The following TMEM131 variants were observed in gnomAD, a reference collection of about 807,000 sequenced individuals.
TMEM131 encodes 2610524E03Rik.
In TMEM131, 66 loss-of-function variants were observed where a neutral mutation model predicts 211.6. The ratio of observed to expected loss-of-function variants is 0.31; its 90% CI spans 0.26 to 0.38. The LOEUF (loss-of-function observed/expected upper bound fraction) is 0.38. TMEM131 is among the 10% of genes least tolerant of loss of function. The probability of loss-of-function intolerance (pLI) is 1.00; values close to 1 mark genes in which losing one functional copy is unlikely to be tolerated. For missense variants in TMEM131, 2,036 were observed against 2,299.3 expected (o/e 0.89, Z 2.34); for synonymous variants, 844 against 841.3 (o/e 1.00, Z -0.06).
intron 11 of TMEM131, among the ~76,000 whole-genome samples, chr2:97,832,004 CAAAAAA>C (rs770432398): frequency 1.9e-3 from 112 of 60,274 alleles, no homozygotes; most frequent in African/African-American, 7.3e-3. Context: ...AAGTCACTTC[CAAAAAA>C]AAAAAAAAAA....
intron 36 of TMEM131, 137 bp downstream of exon 36, chr2:97,761,898 G>T: frequency 9.9e-7 from 1 of 1,007,412 alleles, no homozygotes; most frequent in Non-Finnish European, 1.4e-6. Context: ...AGGTAAAAGG[G>T]TCCACACAAG....
intron 2 of TMEM131, among the ~76,000 whole-genome samples, chr2:97,916,862 C>A (rs1373582787): frequency 6.6e-6 from 1 of 152,154 alleles, no homozygotes; most frequent in Non-Finnish European, 1.5e-5. Context: ...TGAATACCAT[C>A]TCATGTATTT....
At chr2:97,904,368 G>C (rs557511853) in intron 3 of TMEM131, among the ~76,000 whole-genome samples, 168 of 152,154 alleles carry the variant, frequency 1.1e-3, no homozygotes, top group Non-Finnish European at 2.0e-3. Flanking sequence ...GTAGCTATGG[G>C]GAGGGAAGGA....
At chr2:97,817,685 C>T (rs779352171) in intron 12 of TMEM131, among the ~76,000 whole-genome samples, 7 of 152,218 alleles carry the variant, frequency 4.6e-5, no homozygotes, top group Non-Finnish European at 7.3e-5. Flanking sequence ...AGCCCCACCT[C>T]CGTAGCTGCT....
intron 5 of TMEM131, among the ~76,000 whole-genome samples, chr2:97,850,266 A>G (rs556714031): frequency 6.6e-6 from 1 of 152,328 alleles, no homozygotes; most frequent in African/African-American, 2.4e-5. Context: ...ACAAGGAGTG[A>G]GGATGACAAG....
chr2:97,887,789 T>C (rs1675222163), intron 4 of TMEM131: 1 of 353,360 alleles, frequency 2.8e-6, no homozygotes, highest in Non-Finnish European at 5.1e-6. Flanking sequence ...CTATAAGTTC[T>C]TTGCTGTTTC....
intron 2 of TMEM131, among the ~76,000 whole-genome samples, chr2:97,923,232 A>T (rs1291999858): frequency 6.6e-6 from 1 of 152,210 alleles, no homozygotes; most frequent in Non-Finnish European, 1.5e-5. Flanking sequence ...ATGAGCTGAG[A>T]TTGCTCACTG....
intron 1 of TMEM131, among the ~76,000 whole-genome samples, chr2:97,932,410 T>A (rs993537051): frequency 1.3e-5 from 2 of 152,176 alleles, no homozygotes; most frequent in African/African-American, 4.8e-5. Flanking sequence ...ACAAGGGAAC[T>A]CATATAAACC....
rs1353341733 is a variant in TMEM131 at position 97,756,844 on chromosome 2, G to A, written c.*255C>T. The A allele has an allele frequency of 2.0e-5, 7 of 357,174 alleles. No homozygotes were observed. The highest frequency in any genetic ancestry group is 3.0e-5 in the Non-Finnish European group (6 of 199,586). The allele number at this position is 357,174 out of a possible 1,614,324, so 22.1% of individuals were successfully genotyped here. On this transcript the variant is annotated 3_prime_UTR_variant, in exon 41 of 41. Coordinates refer to ENST00000186436, the MANE Select transcript of TMEM131 (RefSeq NM_015348.2). ...GCAGTAACGGGAAAGGTTCTCAGATGTACAGGTCTTATTAGAGTTTGTGGC... is the reference window on the plus strand; with the variant it reads ...GCAGTAACGGGAAAGGTTCTCAGATATACAGGTCTTATTAGAGTTTGTGGC...
In TMEM131 at chr2:97,991,141, A is replaced by G. The variant is rs1001130797; in HGVS notation, c.187+4335T>C. Among the ~76,000 whole-genome samples the G allele has an allele frequency of 2.0e-5, 3 of 152,252 alleles. No individual in the cohort carries two copies. The East Asian group carries it at 5.8e-4, about 29-fold the overall frequency. On this transcript the variant is annotated intron_variant, in intron 1 of 40. Transcript: ENST00000186436. Reference sequence around the variant, plus strand: ...CAATGAAAGTTTAGGCAAACTTTCAATCAAAACTGAATGCCTGCTATTTAT... The same window carrying G: ...CAATGAAAGTTTAGGCAAACTTTCAGTCAAAACTGAATGCCTGCTATTTAT...
intron 1 of TMEM131, among the ~76,000 whole-genome samples, chr2:97,942,741 G>A (rs1004158296): frequency 6.6e-6 from 1 of 151,978 alleles, no homozygotes; most frequent in Admixed American, 6.6e-5. Context: ...ATAGCCTAGG[G>A]ACAGGTGGCT....
intron 12 of TMEM131, 84 bp downstream of exon 12, chr2:97,818,527 ATT>A: frequency 5.7e-6 from 4 of 698,648 alleles, no homozygotes; most frequent in Non-Finnish European, 9.0e-6. Flanking sequence ...AACAGTTTGG[ATT>A]TTTATATTAA....
chr2:97,850,184 C>A (rs6746768), intron 5 of TMEM131, among the ~76,000 whole-genome samples: 2 of 151,188 alleles, frequency 1.3e-5, no homozygotes, highest in Non-Finnish European at 2.9e-5. Context: ...ATGTTTTATA[C>A]CATACCAAGA....
At chr2:97,816,073 C>A (rs1167328428) in intron 12 of TMEM131, among the ~76,000 whole-genome samples, 2 of 152,128 alleles carry the variant, frequency 1.3e-5, no homozygotes, top group African/African-American at 4.8e-5. Flanking sequence ...GGGTGCAGTG[C>A]CTCACATCGG....
Position 97,929,441 on chromosome 2 carries a change from C to G in TMEM131, c.188-1954G>C, listed in dbSNP as rs75919948. On this transcript the variant is annotated intron_variant, in intron 1 of 40. Coordinates refer to ENST00000186436, the MANE Select transcript of TMEM131 (RefSeq NM_015348.2). ...TGGCTTAATATGGAATTCACTGACT[C>G]CCATTTGTTGGTCTTTTGGAAATCA... Among the ~76,000 whole-genome samples the G allele has an allele frequency of 9.5e-3, 1,444 of 151,884 alleles. 15 individuals carry two copies. The highest frequency in any genetic ancestry group is 0.015 in the Non-Finnish European group (1,034 of 68,024).
At chr2:97,837,277 T>C in intron 7 of TMEM131, 120 bp from the exon 8 acceptor site, 2 of 671,516 alleles carry the variant, frequency 3.0e-6, no homozygotes, top group Non-Finnish European at 5.0e-6. Flanking sequence ...TTTAAAGATA[T>C]AAACGTAGGA....
chr2:97,896,100 T>C (rs1559431899), intron 3 of TMEM131, among the ~76,000 whole-genome samples: 1 of 152,228 alleles, frequency 6.6e-6, no homozygotes, highest in African/African-American at 2.4e-5. Context: ...AACATCTTTT[T>C]TCTGCCTTCA....
chr2:97,887,042 G>C (rs1313481159), intron 4 of TMEM131, among the ~76,000 whole-genome samples: 1 of 152,202 alleles, frequency 6.6e-6, no homozygotes, highest in Non-Finnish European at 1.5e-5. Context: ...GATGGCTTGG[G>C]TGTCTGTTGG....
At chr2:97,787,148 T>G (rs1680291609) in intron 31 of TMEM131, among the ~76,000 whole-genome samples, 1 of 152,360 alleles carries the variant, frequency 6.6e-6, no homozygotes, top group Admixed American at 6.5e-5. Flanking sequence ...GTTTTAAATG[T>G]AGGCAAAGTA....
Sources: gnomAD v4.1 joint callset for allele counts (sites outside exome capture counted in the v4.1 genomes callset) on GRCh38, gnomAD v4.1.1 for gene constraint, MANE v1.5 for transcripts, NCBI Gene and HGNC (gene_info 2026-07-23, HGNC 2026-07-21) for gene names.